RHPN2: variants seen among roughly 807,000 people sequenced by gnomAD.
RHPN2 encodes rhophilin Rho GTPase binding protein 2, also known as rhophilin-2.
A neutral mutation model predicts 79.0 loss-of-function variants in RHPN2; 40 were observed. The observed-to-expected ratio is 0.51, with a 90% CI of 0.39 to 0.66. The LOEUF (loss-of-function observed/expected upper bound fraction) is 0.66. Ranked by LOEUF, RHPN2 falls within the 30% of genes least tolerant of loss-of-function variation. The pLI, the probability that RHPN2 is intolerant of heterozygous loss-of-function variation, is 0.00. For missense variants in RHPN2, 686 were observed against 883.5 expected, an observed-to-expected ratio of 0.78 and a Z score of 2.83; for synonymous variants, 285 against 363.5, an observed-to-expected ratio of 0.78 and a Z score of 2.46.
intron 1 of RHPN2, among the ~76,000 whole-genome samples, chr19:33,060,081 C>G (rs761028738): frequency 1.3e-5 from 2 of 152,232 alleles, no homozygotes; most frequent in Non-Finnish European, 2.9e-5. Flanking sequence ...AGTCTACACA[C>G]TAGCCTCCGC....
chr19:32,989,473 A>G (rs571105317), intron 14 of RHPN2, among the ~76,000 whole-genome samples: 32 of 152,214 alleles, frequency 2.1e-4, no homozygotes, highest in African/African-American at 7.0e-4. Flanking sequence ...ATGCTTCCCA[A>G]ATCTCCCAGG....
chr19:33,042,951 C>T (rs1972112180), intron 2 of RHPN2, among the ~76,000 whole-genome samples: 1 of 151,940 alleles, frequency 6.6e-6, no homozygotes, highest in East Asian at 1.9e-4. Context: ...CGGTGGCGGG[C>T]ACCTGTAATC....
intron 8 of RHPN2, 22 bp from the exon 9 acceptor site, chr19:33,002,425 G>T: frequency 6.2e-7 from 1 of 1,613,790 alleles, no homozygotes; most frequent in Non-Finnish European, 8.5e-7. Flanking sequence ...GGGACACTGG[G>T]AAGGGGCAGC....
intron 1 of RHPN2, among the ~76,000 whole-genome samples, chr19:33,049,788 G>A (rs1599834881): frequency 6.6e-6 from 1 of 152,254 alleles, no homozygotes; most frequent in East Asian, 1.9e-4. Context: ...CAGCAAGGAG[G>A]CTATATGAGC....
chr19:32,999,500 C>T, intron 10 of RHPN2, 86 bp downstream of exon 10: 2 of 1,546,530 alleles, frequency 1.3e-6, no homozygotes, highest in Non-Finnish European at 1.8e-6. Context: ...CCCGGGCCCT[C>T]TTCAGGGACC....
chr19:32,994,634 A>G (rs1971686755), intron 11 of RHPN2, among the ~76,000 whole-genome samples: 1 of 151,980 alleles, frequency 6.6e-6, no homozygotes, highest in Admixed American at 6.6e-5. Flanking sequence ...CTGATACTTA[A>G]GGGGCTTAGT....
chr19:33,009,737 G>A (rs1971821607), intron 6 of RHPN2, among the ~76,000 whole-genome samples: 1 of 152,036 alleles, frequency 6.6e-6, no homozygotes, highest in African/African-American at 2.4e-5. Flanking sequence ...TTACAGATAT[G>A]AGCCACCACA....
chr19:33,029,143 A>C (rs1015654941), intron 2 of RHPN2, among the ~76,000 whole-genome samples: 6 of 151,558 alleles, frequency 4.0e-5, no homozygotes, highest in African/African-American at 7.3e-5. Context: ...TCCATCCCCA[A>C]AAAAAAAATT....
intron 2 of RHPN2, among the ~76,000 whole-genome samples, chr19:33,034,805 GATT>G (rs1252338373): frequency 4.0e-5 from 5 of 124,132 alleles, no homozygotes; most frequent in Non-Finnish European, 1.7e-5. Flanking sequence ...AAAAAAAAAA[GATT>G]TACAAGAAAG....
intron 5 of RHPN2, among the ~76,000 whole-genome samples, chr19:33,012,035 CTTCT>C (rs1343485732): frequency 7.5e-6 from 1 of 133,234 alleles, no homozygotes; most frequent in Non-Finnish European, 1.6e-5. Context: ...TATGGTTTTC[CTTCT>C]TTTTTTTTTT....
chr19:33,005,124 T>A (rs2145233341), intron 7 of RHPN2, among the ~76,000 whole-genome samples: 1 of 151,242 alleles, frequency 6.6e-6, no homozygotes, highest in South Asian at 2.1e-4. Context: ...TCAAGAAAGA[T>A]CTATTCTGGC....
chr19:33,008,277 T>C, intron 6 of RHPN2, 97 bp from the exon 7 acceptor site: 2 of 1,205,448 alleles, frequency 1.7e-6, no homozygotes, highest in Admixed American at 2.1e-5. Context: ...TAAGAGTCAA[T>C]ATCTCACTCT....
intron 1 of RHPN2, among the ~76,000 whole-genome samples, chr19:33,064,459 G>T (rs1784156785): frequency 1.3e-5 from 2 of 152,086 alleles, no homozygotes; most frequent in South Asian, 2.1e-4. Context: ...CAGGCACCAG[G>T]GATCGCAAGC....
chr19:33,026,501 T>A lies in RHPN2; in HGVS notation c.314+3A>T, dbSNP rs1311859444. ...TTTTGGAAGGTGTGCTGCTCCCACT[T>A]ACTCTGTGTTCTGATAGACGCCCAC... is the stretch of plus-strand genomic sequence containing the variant. On this transcript the variant is annotated splice_donor_region_variant and intron_variant, in intron 3 of 14. Coordinates refer to ENST00000254260, the MANE Select transcript of RHPN2 (RefSeq NM_033103.5). The A allele has an allele frequency of 6.2e-7, 1 of 1,607,804 alleles. No homozygotes were observed.
intron 1 of RHPN2, among the ~76,000 whole-genome samples, chr19:33,047,398 C>T (rs568423183): frequency 5.9e-5 from 9 of 152,256 alleles, no homozygotes; most frequent in Non-Finnish European, 1.3e-4. Context: ...CAACGCTTCA[C>T]GCTAAAAGTT....
intron 1 of RHPN2, among the ~76,000 whole-genome samples, chr19:33,046,563 G>C (rs986029056): frequency 6.6e-6 from 1 of 152,060 alleles, no homozygotes; most frequent in African/African-American, 2.4e-5. Context: ...CACTGAGCCC[G>C]GTCTAGATCA....
chr19:33,012,627 T>G lies in RHPN2; in HGVS notation c.468+20A>C. On this transcript the variant is annotated intron_variant, in intron 5 of 14. Transcript: ENST00000254260. ...CTCGGAAAAGCCACCCTCCCCTCTC[T>G]GCTGCACACAAAAACTTACTTGTCT... The G allele has an allele frequency of 6.5e-7, 1 of 1,538,612 alleles. No homozygotes were observed. The highest frequency in any genetic ancestry group is 1.1e-5 in the South Asian group (1 of 89,516).
In RHPN2 at chr19:33,002,285, G is replaced by A. The variant is rs1971755009; in HGVS notation, c.1067C>T (p.Ala356Val). ...CVKAHHYAAL[A>V]HYFTAILLID... is the part of the protein sequence containing the mutation. ...GAGGAGGATGGCAGTGAAGTAGTGG[G>A]CCAGGGCCGCGTAGTGGTGGGCCTT... The change falls in exon 9 of 15, where the codon GCC becomes GTC. Residue 356 changes from alanine (A) to valine (V), a missense_variant. Transcript: ENST00000254260. The A allele has an allele frequency of 6.8e-6, 11 of 1,613,628 alleles. No homozygotes were observed. The highest frequency in any genetic ancestry group is 8.5e-6 in the Non-Finnish European group (10 of 1,179,870).
At chr19:33,059,685 A>T (rs1466806663) in intron 1 of RHPN2, among the ~76,000 whole-genome samples, 1 of 151,888 alleles carries the variant, frequency 6.6e-6, no homozygotes, top group East Asian at 1.9e-4. Flanking sequence ...TTCTCCAGCA[A>T]TATCTTCCCT....
Sources: allele counts gnomAD v4.1 joint callset (sites outside exome capture counted in the v4.1 genomes callset), GRCh38; gene constraint gnomAD v4.1.1; transcripts MANE v1.5; gene names NCBI Gene and HGNC (gene_info 2026-07-23, HGNC 2026-07-21).